The following MYLK3 variants were observed in gnomAD, a reference collection of about 807,000 sequenced individuals.
The protein encoded by MYLK3 is myosin light chain kinase 3.
MYLK3 carries 55 observed loss-of-function variants against 76.3 expected under a neutral mutation model. The ratio of observed to expected loss-of-function variants is 0.72; its 90% CI spans 0.58 to 0.90. The LOEUF is 0.90. Among genes scored for constraint, MYLK3 ranks in the 40% least tolerant of loss-of-function variants. MYLK3 has a pLI of 0.00. For synonymous variants in MYLK3, 416 were observed against 425.4 expected (o/e 0.98, Z 0.27); for missense variants, 973 against 1,053.6 (o/e 0.92, Z 1.06).
chr16:46,749,683 T>C (rs1300632197), upstream of MYLK3, among the ~76,000 whole-genome samples: 3 of 152,140 alleles, frequency 2.0e-5, no homozygotes, highest in African/African-American at 7.2e-5. Context: ...TGCAGCGAGC[T>C]CTGATCCTGC....
At position 46,732,606 on chromosome 16, in the gene MYLK3, C is replaced by G. The variant is rs1436053423; in HGVS notation, c.1064G>C (p.Ser355Thr). The G allele has an allele frequency of 6.3e-7, 1 of 1,577,098 alleles. No homozygotes were observed. Among genetic ancestry groups the G allele is most frequent in the East Asian group, 2.2e-5 (1 of 44,534 alleles). Residue 355 changes from serine (S) to threonine (T), a missense_variant, in exon 4 of 13, where the codon AGC becomes ACC. By Grantham distance (58) the Ser-to-Thr change is moderately conservative (BLOSUM62 1). Transcript: ENST00000394809. Reference sequence around the variant, plus strand: ...CTCTGTGGTGAGGGTGGGTCCAAGGCTGCCCCTGCCTGTCATCAGCATCTC... The same window carrying G: ...CTCTGTGGTGAGGGTGGGTCCAAGGGTGCCCCTGCCTGTCATCAGCATCTC... ...PGEMLMTGRG[S>T]LGPTLTTEAP...
At chr16:46,727,487 A>C (rs1596758005) in intron 7 of MYLK3, 110 bp from the exon 8 acceptor site, 4 of 1,202,232 alleles carry the variant, frequency 3.3e-6, no homozygotes, top group Non-Finnish European at 2.3e-6. Context: ...CCACCATCAC[A>C]CCCCATGGGT....
chr16:46,707,837 A>T, intron 12 of MYLK3, 74 bp from the exon 13 acceptor site: 2 of 1,161,464 alleles, frequency 1.7e-6, no homozygotes, highest in Non-Finnish European at 2.5e-6. Flanking sequence ...AGAAACAATA[A>T]AAGGATTTAA....
chr16:46,712,913 C>A, intron 9 of MYLK3, 137 bp from the exon 10 acceptor site: 1 of 761,162 alleles, frequency 1.3e-6, no homozygotes, highest in Non-Finnish European at 1.8e-6. Flanking sequence ...CCACATTACA[C>A]CTGTGAATTA....
intron 2 of MYLK3, among the ~76,000 whole-genome samples, chr16:46,739,129 C>A (rs1966890680): frequency 6.6e-6 from 1 of 152,104 alleles, no homozygotes; most frequent in Non-Finnish European, 1.5e-5. Context: ...GTGTGAGCCA[C>A]CGTGCCCGGC....
Position 46,716,045 on chromosome 16 carries a change from C to T in MYLK3, c.1986-3269G>A, listed in dbSNP as rs143747063. On this transcript the variant is annotated intron_variant, in intron 9 of 12. Coordinates refer to ENST00000394809, the MANE Select transcript of MYLK3 (RefSeq NM_182493.3). Reference sequence around the variant, plus strand: ...GGTTGTTTTTGACGTTTTCAGTCCACCTCACAGCCAGAACCTGTGTCTCTG... The same window carrying T: ...GGTTGTTTTTGACGTTTTCAGTCCATCTCACAGCCAGAACCTGTGTCTCTG... 5.1e-3 allele frequency among the ~76,000 whole-genome samples: 777 copies of T among 152,268 alleles called. 4 individuals are homozygous for T. The highest frequency in any genetic ancestry group is 0.018 in the African/African-American group (752 of 41,552).
At chr16:46,727,453 CA>C in intron 7 of MYLK3, 76 bp from the exon 8 acceptor site, 1 of 1,488,228 alleles carries the variant, frequency 6.7e-7, no homozygotes, top group Non-Finnish European at 9.0e-7. Flanking sequence ...ATTATAGGGC[CA>C]AAAGAGGCCA....
intron 1 of MYLK3, chr16:46,757,693 G>T: frequency 2.5e-6 from 2 of 795,690 alleles, no homozygotes; most frequent in Non-Finnish European, 3.0e-6. Flanking sequence ...GGCCCCAGCG[G>T]CATCCAGAGG....
At chr16:46,748,432 A>C (rs901489101), upstream of MYLK3, 3 of 641,860 alleles carry the variant, frequency 4.7e-6, no homozygotes, top group African/African-American at 5.5e-5. This position sits in a 1 kb window ranked among gnomAD's most constrained non-coding sequence, Gnocchi z 4.3. Flanking sequence ...GGCCGAGGTC[A>C]GCCCAGGCCC....
chr16:46,710,757 G>A lies in MYLK3; in HGVS notation c.2147C>T (p.Thr716Ile), dbSNP rs772990424. The change falls in exon 11 of 13, where the codon ACA becomes ATA. Residue 716 changes from threonine (T) to isoleucine (I), a missense_variant. Transcript: ENST00000394809. ...LSGLSPFLGETDAETMNFIVN... is the reference protein window; with the variant it reads ...LSGLSPFLGEIDAETMNFIVN... Reference sequence around the variant, plus strand: ...AATGAAATTCATGGTCTCTGCATCTGTTTCCCCTAGAAATGGGGACAAGCC... The same window carrying A: ...AATGAAATTCATGGTCTCTGCATCTATTTCCCCTAGAAATGGGGACAAGCC... 1 of 1,613,986 alleles carries A rather than the reference G, an allele frequency of 6.2e-7. No individual in the cohort carries two copies. Among genetic ancestry groups the A allele is most frequent in the Non-Finnish European group, 8.5e-7 (1 of 1,180,018 alleles).
At chr16:46,741,289 A>G (rs1966926681) in intron 1 of MYLK3, among the ~76,000 whole-genome samples, 1 of 152,216 alleles carries the variant, frequency 6.6e-6, no homozygotes, top group African/African-American at 2.4e-5. Context: ...AAGAGCTATC[A>G]GTGTTAAATG....
At chr16:46,753,193 C>T (rs972008818), upstream of MYLK3, among the ~76,000 whole-genome samples, 1 of 152,202 alleles carries the variant, frequency 6.6e-6, no homozygotes, top group Admixed American at 6.5e-5. Flanking sequence ...TGTAGGACCC[C>T]AGAGAGGCTT....
chr16:46,711,026 G>A, intron 10 of MYLK3: 2 of 531,352 alleles, frequency 3.8e-6, no homozygotes, highest in Non-Finnish European at 6.8e-6. Flanking sequence ...CCCCTCTTGT[G>A]CTCACCTCTT....
At chr16:46,738,285 T>C (rs1966882765) in intron 2 of MYLK3, 142 bp from the exon 3 acceptor site, 5 of 723,072 alleles carry the variant, frequency 6.9e-6, no homozygotes, top group Non-Finnish European at 1.1e-5. Context: ...TGAAAGGGGC[T>C]GGTTGACTAA....
At position 46,732,274 on chromosome 16, in the gene MYLK3, C is replaced by T. The variant is rs780649173; in HGVS notation, c.1396G>A (p.Ala466Thr). 1 of 1,606,840 alleles carries T rather than the reference C, an allele frequency of 6.2e-7. No homozygotes were observed. The highest frequency in any genetic ancestry group is 1.1e-5 in the South Asian group (1 of 91,070). ...PEPEQDCAAR[A>T]PVRAEAVRRM... is the part of the protein sequence containing the mutation. ...CTTACTGCTTCAGCTCTCACCGGAG[C>T]CCTGGCTGCACAGTCCTGCTCAGGC... is the stretch of plus-strand genomic sequence containing the variant. Residue 466 changes from alanine (A) to threonine (T), a missense_variant, in exon 4 of 13, where the codon GCT (alanine) becomes ACT (threonine). Physicochemically the swap from Ala to Thr is moderately conservative, Grantham distance 58 (BLOSUM62 0). Around this residue, in one of 2 missense-constraint regions of MYLK3, gnomAD observed 641 missense variants for 637.0 expected, o/e 1.01. Coordinates refer to ENST00000394809, the MANE Select transcript of MYLK3 (RefSeq NM_182493.3).
At chr16:46,758,558 C>A (rs796314565) in intron 1 of MYLK3, among the ~76,000 whole-genome samples, 6 of 152,290 alleles carry the variant, frequency 3.9e-5, no homozygotes, top group African/African-American at 1.4e-4. Context: ...CAGGGCCAGT[C>A]CCCCAGAAAG....
At chr16:46,750,862 G>A (rs1366500246), upstream of MYLK3, among the ~76,000 whole-genome samples, 1 of 151,698 alleles carries the variant, frequency 6.6e-6, no homozygotes, top group Non-Finnish European at 1.5e-5. Context: ...GTGTGGTAGT[G>A]CATGCCTGTA....
intron 8 of MYLK3, among the ~76,000 whole-genome samples, chr16:46,724,523 C>T (rs1012002481): frequency 4.6e-5 from 7 of 152,196 alleles, no homozygotes; most frequent in Admixed American, 3.9e-4. Flanking sequence ...AGCTCCCTAG[C>T]ATGGGGTCCC....
At chr16:46,749,492 T>G (rs1383920554), upstream of MYLK3, among the ~76,000 whole-genome samples, 1 of 152,234 alleles carries the variant, frequency 6.6e-6, no homozygotes, top group Non-Finnish European at 1.5e-5. Context: ...TAGGGCCGGA[T>G]GCAGTGGCTC....
Sources: gnomAD v4.1 joint callset for allele counts (sites outside exome capture counted in the v4.1 genomes callset) on GRCh38, gnomAD v4.1.1 for gene constraint, gnomAD v4.1.1 regional missense constraint, Gnocchi (gnomAD v3.1) non-coding constraint, MANE v1.5 for transcripts, NCBI Gene and HGNC (gene_info 2026-07-23, HGNC 2026-07-21) for gene names.